Variants in ENY2 observed in about 807,000 individuals in gnomAD.
The protein encoded by ENY2 is ENY2 transcription and export complex 2 subunit.
ENY2 carries 4 observed loss-of-function variants against 15.9 expected under a neutral mutation model. That is an observed-to-expected ratio of 0.25 (90% CI 0.12 to 0.57). ENY2 has a LOEUF of 0.57. Among genes scored for constraint, ENY2 ranks in the 20% least tolerant of loss-of-function variants. ENY2 has a pLI of 0.91. For missense variants in ENY2, 54 were observed against 117.2 expected, an observed-to-expected ratio of 0.46 and a Z score of 2.49; for synonymous variants, 48 against 38.0, an observed-to-expected ratio of 1.26 and a Z score of -0.97.
chr8:109,341,102 A>T (rs1816102398), intron 4 of ENY2, among the ~76,000 whole-genome samples: 1 of 152,116 alleles, frequency 6.6e-6, no homozygotes. Flanking sequence ...CAGAAGGCAA[A>T]GTTAAGATGG....
At chr8:109,337,128 C>G (rs1816003156) in intron 2 of ENY2, among the ~76,000 whole-genome samples, 1 of 150,696 alleles carries the variant, frequency 6.6e-6, no homozygotes, top group Admixed American at 6.6e-5. Context: ...GAATCTTACT[C>G]TGTTGGTGTG....
chr8:109,340,645 C>A, intron 4 of ENY2, 82 bp downstream of exon 4: 1 of 1,562,828 alleles, frequency 6.4e-7, no homozygotes. Flanking sequence ...GATTTTCTTT[C>A]TGTTTTTAAG....
chr8:109,335,940 C>T (rs772147180), intron 1 of ENY2, 188 bp from the exon 2 acceptor site: 4 of 429,696 alleles, frequency 9.3e-6, no homozygotes, highest in Admixed American at 4.2e-5. Flanking sequence ...AAAAGCAAAC[C>T]CACACTGCAT....
rs543380699 is a variant in ENY2, at chr8:109,345,460, C to A, written c.*1979C>A. ...AAGTGTAGTCTTTGAACCAGCTGGG[C>A]TTAATTATGTAAAGTTTTGAGCCTG... On this transcript the variant is annotated 3_prime_UTR_variant, in exon 5 of 5. Coordinates refer to ENST00000521688, the MANE Select transcript of ENY2 (RefSeq NM_020189.6). The A allele has an allele frequency of 6.6e-6, 1 of 152,094 alleles. No homozygotes were observed. Among genetic ancestry groups the A allele is most frequent in the Non-Finnish European group, 1.5e-5 (1 of 68,018 alleles). The allele number at this position is 152,094 out of a possible 1,614,324, so 9.4% of individuals were successfully genotyped here.
chr8:109,338,457 T>G (rs1816040115), intron 2 of ENY2: 1 of 152,110 alleles, frequency 6.6e-6, no homozygotes, highest in African/African-American at 2.4e-5. Context: ...AATCAAAAGT[T>G]GGATTTTGGC....
Position 109,334,587 on chromosome 8 carries a change from T to C in ENY2, c.6+113T>C, listed in dbSNP as rs138732992. 161 of 1,303,906 alleles carry C rather than the reference T, an allele frequency of 1.2e-4. No homozygotes were observed. In the African/African-American group the frequency reaches 2.2e-3, roughly 18 times the overall value. The allele number at this position is 1,303,906 out of a possible 1,614,324, so 80.8% of individuals were successfully genotyped here. A position where few individuals can be genotyped will look rare whatever the true frequency, so the allele number is the denominator to read the frequency against. On this transcript the variant is annotated intron_variant, in intron 1 of 4. Transcript: ENST00000521688. ...CCGCGCTCGCGGGCCTGTAGGGCTC[T>C]CCGACAGGGCGTGCTACCGGAGTTG... is the stretch of plus-strand genomic sequence containing the variant.
At chr8:109,334,645 T>G (rs1815914443) in intron 1 of ENY2, 171 bp downstream of exon 1, 1 of 696,724 alleles carries the variant, frequency 1.4e-6, no homozygotes, top group Non-Finnish European at 2.3e-6. Context: ...GTTTTCTGGC[T>G]CCTCCTCTCC....
intron 1 of ENY2, 135 bp downstream of exon 1, chr8:109,334,609 G>A (rs1815913237): frequency 9.0e-7 from 1 of 1,117,106 alleles, no homozygotes; most frequent in Non-Finnish European, 1.2e-6. Flanking sequence ...TGCTACCGGA[G>A]TTGGCCTGAA....
intron 2 of ENY2, 126 bp downstream of exon 2, chr8:109,336,330 T>G: frequency 1.2e-6 from 1 of 849,898 alleles, no homozygotes. Context: ...AAGTTTCTAT[T>G]CCGAACATCT....
At chr8:109,340,185 A>T (rs1410565734) in intron 3 of ENY2, among the ~76,000 whole-genome samples, 1 of 152,174 alleles carries the variant, frequency 6.6e-6, no homozygotes, top group Non-Finnish European at 1.5e-5. Flanking sequence ...TGTTAATTAA[A>T]ACAGTTAGTT....
chr8:109,341,397 T>A (rs957138365), intron 4 of ENY2, among the ~76,000 whole-genome samples: 1 of 152,136 alleles, frequency 6.6e-6, no homozygotes, highest in African/African-American at 2.4e-5. Context: ...CAGCCATCTC[T>A]TTAGGCCTGT....
intron 4 of ENY2, among the ~76,000 whole-genome samples, chr8:109,343,122 A>G (rs1170888609): frequency 1.3e-5 from 2 of 152,204 alleles, no homozygotes; most frequent in Non-Finnish European, 2.9e-5. Context: ...TCCATCTGTT[A>G]TAGCCTCTGT....
In ENY2 at chr8:109,343,508, T is replaced by C; in HGVS notation, c.*27T>C. ...ATTGAATTAGATTGTGTTGTTGTGG[T>C]TTTATTTCTGAAAGTAAAACTTGCC... On this transcript the variant is annotated 3_prime_UTR_variant, in exon 5 of 5. Transcript: ENST00000521688. The C allele has an allele frequency of 6.3e-7, 1 of 1,578,812 alleles. No individual in the cohort carries two copies. The highest frequency in any genetic ancestry group is 8.6e-7 in the Non-Finnish European group (1 of 1,164,848).
Position 109,345,901 on chromosome 8 carries a change from C to A in ENY2, c.*2420C>A, listed in dbSNP as rs1816235229. The A allele has an allele frequency of 6.6e-6, 1 of 152,168 alleles. No individual in the cohort carries two copies. Among genetic ancestry groups the A allele is most frequent in the Admixed American group, 6.6e-5 (1 of 15,266 alleles). 9.4% of individuals were successfully genotyped at this position (152,168 alleles called of 1,614,324 possible). ...TTCTTTGACAACTTACAAATGTTCT[C>A]TAGTTTGTATCTAGAATCACTTATA... is the stretch of plus-strand genomic sequence containing the variant. On this transcript the variant is annotated 3_prime_UTR_variant, in exon 5 of 5. Transcript: ENST00000521688.
intron 3 of ENY2, 155 bp downstream of exon 3, chr8:109,339,545 A>T (rs1586328091): frequency 1.7e-6 from 1 of 588,486 alleles, no homozygotes; most frequent in Non-Finnish European, 2.8e-6. Flanking sequence ...TGGCATATGT[A>T]GACCTAATTC....
chr8:109,340,679 C>T, intron 4 of ENY2, 116 bp downstream of exon 4: 1 of 1,356,208 alleles, frequency 7.4e-7, no homozygotes, highest in East Asian at 2.5e-5. Context: ...TGTGTTGCCT[C>T]TTGTAAAGAG....
At chr8:109,343,365 G>A (rs528574130) in intron 4 of ENY2, 40 bp from the exon 5 acceptor site, 3 of 1,491,096 alleles carry the variant, frequency 2.0e-6, no homozygotes, top group African/African-American at 2.8e-5. Flanking sequence ...TGTATTAATT[G>A]GTACCTTCTT....
At chr8:109,335,751 A>G (rs1815962422) in intron 1 of ENY2, 1 of 161,250 alleles carries the variant, frequency 6.2e-6, no homozygotes, top group Admixed American at 6.4e-5. Flanking sequence ...CAGTCTCTGC[A>G]GAAGTGATCG....
At chr8:109,340,027 C>T (rs1282576055) in intron 3 of ENY2, among the ~76,000 whole-genome samples, 2 of 152,146 alleles carry the variant, frequency 1.3e-5, no homozygotes, top group African/African-American at 4.8e-5. Context: ...AGATTTTCAT[C>T]ACTGAAAGAA....
Sources: allele counts gnomAD v4.1 joint callset (sites outside exome capture counted in the v4.1 genomes callset), GRCh38; gene constraint gnomAD v4.1.1; transcripts MANE v1.5; gene names NCBI Gene and HGNC (gene_info 2026-07-23, HGNC 2026-07-21).